Variants in CNOT6L observed in about 807,000 individuals in gnomAD.
The protein encoded by CNOT6L is CCR4-NOT transcription complex subunit 6-like.
In CNOT6L, 7 loss-of-function variants were observed where a neutral mutation model predicts 64.0. That is an observed-to-expected ratio of 0.11 (90% CI 0.06 to 0.21). The LOEUF (loss-of-function observed/expected upper bound fraction) is 0.21, where lower values mean the gene tolerates loss of function less well. Among genes scored for constraint, CNOT6L ranks in the 10% least tolerant of loss-of-function variants. CNOT6L has a pLI of 1.00. For synonymous variants in CNOT6L, 193 were observed against 243.4 expected (o/e 0.79, Z 1.93); for missense variants, 245 against 669.0 (o/e 0.37, Z 6.99).
intron 1 of CNOT6L, among the ~76,000 whole-genome samples, chr4:77,797,676 GA>G (rs1420902536): frequency 6.6e-6 from 1 of 152,082 alleles, no homozygotes; most frequent in East Asian, 1.9e-4. Flanking sequence ...AATAAGGGAA[GA>G]AAAAAATCGT....
In CNOT6L at chr4:77,717,219, T is replaced by C. The variant is rs756334400; in HGVS notation, c.*3212A>G. 1 of 152,426 alleles carries C rather than the reference T, an allele frequency of 6.6e-6. No homozygotes were observed. The highest frequency in any genetic ancestry group is 1.5e-5 in the Non-Finnish European group (1 of 68,002). 9.4% of individuals were successfully genotyped at this position (152,426 alleles called of 1,614,324 possible). ...CAACGAGCAAGGAGCAGTAGGTGGA[T>C]CTGAGCCTTTCCCAGATGTCAGGCC... On this transcript the variant is annotated 3_prime_UTR_variant, in exon 12 of 12. Transcript: ENST00000504123.
intron 1 of CNOT6L, 168 bp downstream of exon 1, chr4:77,819,136 C>T: frequency 1.1e-5 from 15 of 1,361,450 alleles, no homozygotes; most frequent in Non-Finnish European, 1.5e-5. Context: ...CCTCCAGTCA[C>T]CCGACACACA....
chr4:77,748,332 G>A lies in CNOT6L; in HGVS notation c.543C>T (p.Asp181=). The change falls in exon 6 of 12, where the codon GAC becomes GAT. Residue 181 remains aspartate (D), a synonymous_variant. Transcript: ENST00000504123. ...PRPWITLKER[D]QILPSASFTV... is the part of the protein sequence containing the mutation. ...ACTATTTACCTGACGGCAGAATTTG[G>A]TCTCGTTCTTTTAATGTAATCCATG... 1 of 1,611,214 alleles carries A rather than the reference G, an allele frequency of 6.2e-7. No homozygotes were observed. Among genetic ancestry groups the A allele is most frequent in the Non-Finnish European group, 8.5e-7 (1 of 1,177,888 alleles).
At chr4:77,808,319 G>A (rs568676948) in intron 1 of CNOT6L, among the ~76,000 whole-genome samples, 1 of 151,836 alleles carries the variant, frequency 6.6e-6, no homozygotes, top group South Asian at 2.1e-4. Context: ...AAAATTAGCC[G>A]GGTGTGGTGG....
intron 4 of CNOT6L, among the ~76,000 whole-genome samples, chr4:77,771,384 G>A (rs937724397): frequency 1.2e-4 from 18 of 151,938 alleles, no homozygotes; most frequent in Non-Finnish European, 2.9e-5. Context: ...TATCAATATC[G>A]GGAAGAAGAA....
At chr4:77,771,131 C>T (rs190071565) in intron 4 of CNOT6L, among the ~76,000 whole-genome samples, 1 of 152,224 alleles carries the variant, frequency 6.6e-6, no homozygotes, top group Admixed American at 6.5e-5. Context: ...ATCAGCCTGA[C>T]CAACATAGAG....
rs1160665870 is a variant in CNOT6L, at chr4:77,713,714, G to A, written c.*6717C>T. On this transcript the variant is annotated 3_prime_UTR_variant, in exon 12 of 12. Coordinates refer to ENST00000504123, the MANE Select transcript of CNOT6L (RefSeq NM_144571.3). ...CTATTGTGAAAAACATCTCAGCTGA[G>A]CAGTTTTGGTCAAGATTCAGACCTC... is the stretch of plus-strand genomic sequence containing the variant. 6.6e-6 allele frequency: 1 copy of A among 152,500 alleles called. No homozygotes were observed. The highest frequency in any genetic ancestry group is 1.5e-5 in the Non-Finnish European group (1 of 68,002). 9.4% of individuals were successfully genotyped at this position (152,500 alleles called of 1,614,324 possible).
In CNOT6L at chr4:77,720,608, A is replaced by G. The variant is rs760401117; in HGVS notation, c.1491T>C (p.His497=). 11 of 1,613,370 alleles carry G rather than the reference A, an allele frequency of 6.8e-6. No homozygotes were observed. Among genetic ancestry groups the G allele is most frequent in the South Asian group, 1.1e-5 (1 of 91,074 alleles). The change falls in exon 12 of 12, where the codon CAT becomes CAC. Residue 497 remains histidine, a synonymous_variant. Transcript: ENST00000504123. ...GCCCCAGGACACCAAGCACGTTCAT[A>G]TGAGTCTTGGAATAGAAAATGTAGT... ...VIDYIFYSKT[H]MNVLGVLGPL... is the part of the protein sequence containing the mutation.
intron 1 of CNOT6L, among the ~76,000 whole-genome samples, chr4:77,791,680 A>AT (rs1435304337): frequency 2.0e-5 from 3 of 152,076 alleles, no homozygotes; most frequent in Non-Finnish European, 4.4e-5. Flanking sequence ...GTTTTTTTTC[A>AT]TATTCTGATT....
At chr4:77,733,010 G>C (rs1465729281) in intron 8 of CNOT6L, among the ~76,000 whole-genome samples, 2 of 152,082 alleles carry the variant, frequency 1.3e-5, no homozygotes, top group Admixed American at 6.6e-5. Flanking sequence ...AAATCAAGAG[G>C]AGTGAGCAGT....
At chr4:77,819,522 G>T, upstream of CNOT6L, 2 of 846,960 alleles carry the variant, frequency 2.4e-6, no homozygotes. Context: ...GCCCGTAACC[G>T]GGGCTCGCGG....
intron 1 of CNOT6L, among the ~76,000 whole-genome samples, chr4:77,816,919 T>G (rs1393828891): frequency 1.3e-5 from 2 of 152,196 alleles, no homozygotes; most frequent in African/African-American, 2.4e-5. Flanking sequence ...ACACATTTCC[T>G]ACTCCAGAGA....
intron 4 of CNOT6L, among the ~76,000 whole-genome samples, chr4:77,762,534 C>T (rs550505097): frequency 1.3e-5 from 2 of 152,098 alleles, no homozygotes; most frequent in South Asian, 4.1e-4. Context: ...AACCTTGTGC[C>T]GTATATAAAA....
intron 1 of CNOT6L, among the ~76,000 whole-genome samples, chr4:77,811,788 T>C (rs777908079): frequency 1.3e-4 from 19 of 150,742 alleles, no homozygotes; most frequent in Non-Finnish European, 2.2e-4. Flanking sequence ...CTCAACCTGA[T>C]AAAGGCTATT....
intron 5 of CNOT6L, among the ~76,000 whole-genome samples, chr4:77,752,546 T>A (rs2109982254): frequency 6.6e-6 from 1 of 152,218 alleles, no homozygotes; most frequent in Non-Finnish European, 1.5e-5. Context: ...ACCATGGAAT[T>A]AAGCTAGGAA....
At chr4:77,811,541 C>T (rs572631338) in intron 1 of CNOT6L, among the ~76,000 whole-genome samples, 7 of 152,104 alleles carry the variant, frequency 4.6e-5, no homozygotes, top group South Asian at 2.1e-4. Context: ...AGCAAGACTC[C>T]GTCTCAAAAC....
chr4:77,765,664 G>A (rs1169214067), intron 4 of CNOT6L, among the ~76,000 whole-genome samples: 1 of 152,078 alleles, frequency 6.6e-6, no homozygotes, highest in East Asian at 1.9e-4. Flanking sequence ...AAATTGTTAG[G>A]AGAATCAGTC....
chr4:77,758,030 G>C (rs1027199376), intron 4 of CNOT6L, among the ~76,000 whole-genome samples: 4 of 151,928 alleles, frequency 2.6e-5, no homozygotes, highest in Non-Finnish European at 5.9e-5. Context: ...CCAACCAAAT[G>C]TTACAAAGAA....
chr4:77,755,223 GTTTTTTTTTTTTTTT>G (rs869054667), intron 5 of CNOT6L, among the ~76,000 whole-genome samples: 4 of 70,434 alleles, frequency 5.7e-5, no homozygotes, highest in African/African-American at 1.2e-4. Context: ...AGAGACAAGA[GTTTTTTTTTTTTTTT>G]TTTTTTTTTT....
Sources: allele counts gnomAD v4.1 joint callset (sites outside exome capture counted in the v4.1 genomes callset), GRCh38; gene constraint gnomAD v4.1.1; transcripts MANE v1.5; gene names NCBI Gene and HGNC (gene_info 2026-07-23, HGNC 2026-07-21).